The following RUSC2 variants were observed in gnomAD, a reference collection of about 807,000 sequenced individuals.
RUSC2 encodes RUN and SH3 domain containing 2.
In RUSC2, 34 loss-of-function variants were observed where a neutral mutation model predicts 122.2. The observed-to-expected ratio is 0.28, with a 90% CI of 0.21 to 0.37. RUSC2 has a LOEUF of 0.37. RUSC2 is among the 10% of genes least tolerant of loss of function. The pLI, the probability that RUSC2 is intolerant of heterozygous loss-of-function variation, is 1.00. For synonymous variants in RUSC2, 784 were observed against 790.0 expected, an observed-to-expected ratio of 0.99 and a Z score of 0.13; for missense variants, 1,747 against 1,952.4, an observed-to-expected ratio of 0.89 and a Z score of 1.98.
At chr9:35,542,727 T>C (rs1194847431) in intron 1 of RUSC2, among the ~76,000 whole-genome samples, 1 of 152,224 alleles carries the variant, frequency 6.6e-6, no homozygotes, top group African/African-American at 2.4e-5. Context: ...GATAGATATG[T>C]CAACATCACA....
chr9:35,534,069 C>T lies in RUSC2; in HGVS notation c.-92-12361C>T, dbSNP rs80293749. Among the ~76,000 whole-genome samples, 1,475 of 152,198 alleles carry T rather than the reference C, an allele frequency of 9.7e-3. 22 individuals are homozygous for T. Among genetic ancestry groups the T allele is most frequent in the African/African-American group, 0.034 (1,404 of 41,508 alleles). On this transcript the variant is annotated intron_variant, in intron 1 of 11. Coordinates refer to ENST00000361226, the MANE Select transcript of RUSC2 (RefSeq NM_014806.5). ...AAAGTGGTTGCACCATTTTACAGTG[C>T]CCTCAGCAATGTGTGAGGGTTCCAA... is the stretch of plus-strand genomic sequence containing the variant.
At chr9:35,535,460 A>C in intron 1 of RUSC2, among the ~76,000 whole-genome samples, 1 of 149,894 alleles carries the variant, frequency 6.7e-6, no homozygotes. Context: ...TCACATGGAA[A>C]ACAGTCTTCT....
chr9:35,557,821 A>G lies in RUSC2; in HGVS notation c.2984-93A>G. 1 of 986,860 alleles carries G rather than the reference A, an allele frequency of 1.0e-6. No individual in the cohort carries two copies. Among genetic ancestry groups the G allele is most frequent in the Non-Finnish European group, 1.6e-6 (1 of 609,214 alleles). The allele number at this position is 986,860 out of a possible 1,614,324, so 61.1% of individuals were successfully genotyped here. On this transcript the variant is annotated intron_variant, in intron 5 of 11. Coordinates refer to ENST00000361226, the MANE Select transcript of RUSC2 (RefSeq NM_014806.5). This position sits in a 1 kb window ranked among gnomAD's most constrained non-coding sequence, Gnocchi z 4.6. ...GATGTGGAGACGGAGTAAGTGTGGG[A>G]GCCCTTTCCCTGAGGAAACCTGAGG...
At chr9:35,506,568 ATCTG>A in intron 1 of RUSC2, among the ~76,000 whole-genome samples, 1 of 152,224 alleles carries the variant, frequency 6.6e-6, no homozygotes, top group Non-Finnish European at 1.5e-5. Flanking sequence ...AGCTCAGCAA[ATCTG>A]TTACATTTCT....
chr9:35,538,909 A>T (rs1821583530), intron 1 of RUSC2: 1 of 152,656 alleles, frequency 6.6e-6, no homozygotes, highest in South Asian at 2.1e-4. Context: ...CAGCACGGAG[A>T]CTGGGGCTGG....
chr9:35,552,822 C>G (rs952195357), intron 2 of RUSC2, among the ~76,000 whole-genome samples: 11 of 152,188 alleles, frequency 7.2e-5, no homozygotes, highest in African/African-American at 2.7e-4. Context: ...AGTGAGAAAA[C>G]TTATTCTGTG....
intron 1 of RUSC2, among the ~76,000 whole-genome samples, chr9:35,540,604 G>A (rs944383654): frequency 8.5e-5 from 13 of 152,154 alleles, no homozygotes; most frequent in African/African-American, 2.7e-4. Context: ...GCTGGGAACT[G>A]GGGCAGGAGG....
chr9:35,561,743 G>A lies in RUSC2; in HGVS notation c.*361G>A, dbSNP rs1336755432. The A allele has an allele frequency of 1.8e-6, 1 of 546,942 alleles. No homozygotes were observed. The highest frequency in any genetic ancestry group is 3.1e-5 in the East Asian group (1 of 32,384). 33.9% of individuals were successfully genotyped at this position (546,942 alleles called of 1,614,324 possible). A position where few individuals can be genotyped will look rare whatever the true frequency, so the allele number is the denominator to read the frequency against. On this transcript the variant is annotated 3_prime_UTR_variant, in exon 12 of 12. Coordinates refer to ENST00000361226, the MANE Select transcript of RUSC2 (RefSeq NM_014806.5). ...CAGGTGGAGATGAGGATGGGTAACA[G>A]TATTGGGGCCAGATCCCTAAGCCCC... is the stretch of plus-strand genomic sequence containing the variant.
intron 1 of RUSC2, among the ~76,000 whole-genome samples, chr9:35,537,936 C>T (rs1821562418): frequency 6.6e-6 from 1 of 152,176 alleles, no homozygotes; most frequent in South Asian, 2.1e-4. Flanking sequence ...CAGTTTCTCC[C>T]TTTTTTCCTT....
intron 1 of RUSC2, among the ~76,000 whole-genome samples, chr9:35,518,548 T>C (rs1307833545): frequency 2.0e-5 from 3 of 152,168 alleles, no homozygotes; most frequent in Admixed American, 6.5e-5. Flanking sequence ...GAGTTCCAGA[T>C]ACTGTAGTCA....
intron 1 of RUSC2, among the ~76,000 whole-genome samples, chr9:35,494,774 C>G (rs367598148): frequency 1.3e-5 from 2 of 150,550 alleles, no homozygotes; most frequent in African/African-American, 2.4e-5. Flanking sequence ...CTTTGATGCA[C>G]GAAAGTTTTT....
At chr9:35,529,963 T>G (rs1433350551) in intron 1 of RUSC2, among the ~76,000 whole-genome samples, 2 of 152,080 alleles carry the variant, frequency 1.3e-5, no homozygotes, top group African/African-American at 2.4e-5. Flanking sequence ...TGTTTTTGTT[T>G]GTTTTTGAGA....
intron 1 of RUSC2, among the ~76,000 whole-genome samples, chr9:35,494,678 T>A (rs1452324044): frequency 6.6e-6 from 1 of 151,898 alleles, no homozygotes; most frequent in Non-Finnish European, 1.5e-5. Context: ...TTTTAATACA[T>A]TTTGGACATT....
intron 1 of RUSC2, among the ~76,000 whole-genome samples, chr9:35,526,541 C>T (rs1821328688): frequency 6.6e-6 from 1 of 152,160 alleles, no homozygotes; most frequent in African/African-American, 2.4e-5. Context: ...CAGGGAAAGG[C>T]AAGATAACTG....
chr9:35,507,303 T>C (rs1564245624), intron 1 of RUSC2, among the ~76,000 whole-genome samples: 1 of 152,234 alleles, frequency 6.6e-6, no homozygotes, highest in Non-Finnish European at 1.5e-5. Flanking sequence ...ATAGATTTTA[T>C]GATTTATAGC....
At chr9:35,519,368 C>G (rs560623884) in intron 1 of RUSC2, among the ~76,000 whole-genome samples, 7 of 152,328 alleles carry the variant, frequency 4.6e-5, no homozygotes, top group African/African-American at 1.7e-4. Context: ...AAAACCTATC[C>G]TGCCAACTTG....
At chr9:35,527,144 T>TG (rs1452839492) in intron 1 of RUSC2, among the ~76,000 whole-genome samples, 4 of 151,500 alleles carry the variant, frequency 2.6e-5, no homozygotes, top group Non-Finnish European at 5.9e-5. Flanking sequence ...CGTTGTTTTT[T>TG]TTTTCTTTTT....
intron 2 of RUSC2, among the ~76,000 whole-genome samples, chr9:35,554,615 G>A (rs1288015389): frequency 6.6e-6 from 1 of 152,226 alleles, no homozygotes; most frequent in Non-Finnish European, 1.5e-5. Context: ...GAAAAAAGGA[G>A]AAAGGTGATG....
At chr9:35,494,254 T>A (rs1319790176) in intron 1 of RUSC2, among the ~76,000 whole-genome samples, 1 of 151,720 alleles carries the variant, frequency 6.6e-6, no homozygotes, top group African/African-American at 2.4e-5. Flanking sequence ...TCACCTAAGG[T>A]CAGGAGTTCA....
Sources: allele counts gnomAD v4.1 joint callset (sites outside exome capture counted in the v4.1 genomes callset), GRCh38; gene constraint gnomAD v4.1.1; non-coding constraint Gnocchi (gnomAD v3.1); transcripts MANE v1.5; gene names NCBI Gene and HGNC (gene_info 2026-07-23, HGNC 2026-07-21).